Variants in ALPP observed in about 807,000 individuals in gnomAD.
The protein encoded by ALPP is alkaline phosphatase, placental.
Under a neutral mutation model 50.7 loss-of-function variants are expected in ALPP, and 39 were observed. The ratio of observed to expected loss-of-function variants is 0.77; its 90% confidence interval spans 0.60 to 1.00. ALPP has a LOEUF of 1.00. Among genes scored for constraint, ALPP ranks in the 50% least tolerant of loss-of-function variants. The probability of loss-of-function intolerance (pLI) is 0.00; values close to 1 mark genes in which losing one functional copy is unlikely to be tolerated. For synonymous variants in ALPP, 226 were observed against 320.3 expected (o/e 0.71, Z 3.14); for missense variants, 550 against 746.8 (o/e 0.74, Z 3.07).
In ALPP at chr2:232,381,589, GCGCA is replaced by G. The variant is rs748314015; in HGVS notation, c.1404_1407del (p.His469TrpfsTer11). ...GGCGGTGTTCGCGCGCGGCCCGCAG[GCGCA>G]CCTGGTTCACGGCGTGCAGGAGCAG... On this transcript the variant is annotated frameshift_variant, in exon 11 of 11. Coordinates refer to ENST00000392027, the MANE Select transcript of ALPP (RefSeq NM_001632.5). LOFTEE classifies it low-confidence loss of function (END_TRUNC). 1.2e-6 allele frequency: 2 copies of G among 1,612,630 alleles called. No homozygotes were observed. The highest frequency in any genetic ancestry group is 2.7e-5 in the African/African-American group (2 of 74,908).
rs199688634 is a variant in ALPP, at chr2:232,380,750, C to T, written c.993C>T (p.Phe331=). ...GGAACCCCCGCGGCTTCTTCCTCTT[C>T]GTGGAGGGTGCGTGGTGGCCCCTGG... ...LSRNPRGFFL[F]VEGGRIDHGH... The change falls in exon 8 of 11, where the codon TTC becomes TTT. Residue 331 remains phenylalanine (F), a synonymous_variant. Coordinates refer to ENST00000392027, the MANE Select transcript of ALPP (RefSeq NM_001632.5). The T allele has an allele frequency of 0.01, 16,624 of 1,611,454 alleles. 31 individuals carry two copies. The highest frequency in any genetic ancestry group is 0.013 in the Middle Eastern group (77 of 6,026).
rs747043312 is a variant in ALPP at position 232,379,942 on chromosome 2, A to AC, written c.657+11dup. 1.9e-6 allele frequency: 3 copies of AC among 1,599,444 alleles called. No homozygotes were observed. In the Admixed American group the frequency reaches 5.0e-5, roughly 27 times the overall value. On this transcript the variant is annotated splice_region_variant and intron_variant, in intron 5 of 10. Transcript: ENST00000392027. ...TCTCCAACATGGACATTGACGTGCGACCCCCAGGCCAAGGGCTGGGGCTGG... is the reference window on the plus strand; with the variant it reads ...TCTCCAACATGGACATTGACGTGCGACCCCCCAGGCCAAGGGCTGGGGCTGG...
Position 232,381,634 on chromosome 2 carries a change from G to C in ALPP, c.1447G>C (p.Val483Leu), listed in dbSNP as rs758891181. Residue 483 changes from valine (V) to leucine (L), a missense_variant, in exon 11 of 11, where the codon GTC becomes CTC. Physicochemically the swap from Val to Leu is conservative, Grantham distance 32. Around this residue, in one of 5 missense-constraint regions of ALPP, gnomAD observed 155 missense variants for 167.6 expected, o/e 0.92. Coordinates refer to ENST00000392027, the MANE Select transcript of ALPP (RefSeq NM_001632.5). ...GCAGGAGCAGACCTTCATAGCGCAC[G>C]TCATGGCCTTCGCCGCCTGCCTGGA... ...GVQEQTFIAH[V>L]MAFAACLEPY... 7 of 1,612,254 alleles carry C rather than the reference G, an allele frequency of 4.3e-6. No individual in the cohort carries two copies. The East Asian group carries it at 6.7e-5, about 15-fold the overall frequency.
In ALPP at chr2:232,382,562, C is replaced by T. The variant is rs1696739201; in HGVS notation, c.*767C>T. ...GAAGACTCCCCTGCCTCCCCAGGGC[C>T]TCTGCTCTCCTGGGAGACAAAGCAA... On this transcript the variant is annotated 3_prime_UTR_variant, in exon 11 of 11. Coordinates refer to ENST00000392027, the MANE Select transcript of ALPP (RefSeq NM_001632.5). The T allele has an allele frequency of 6.6e-6, 1 of 152,338 alleles. No homozygotes were observed. The highest frequency in any genetic ancestry group is 2.4e-5 in the African/African-American group (1 of 41,454). The allele number at this position is 152,338 out of a possible 1,614,324, so 9.4% of individuals were successfully genotyped here. A position where few individuals can be genotyped will look rare whatever the true frequency, so the allele number is the denominator to read the frequency against.
rs1331141439 is a variant in ALPP, at chr2:232,381,858, C to G, written c.*63C>G. ...AGTTCTCCTGCTCCCCACCTCCTGTCGTCCTGCCTGGCCTCCAGCCCGAGT... is the reference window on the plus strand; with the variant it reads ...AGTTCTCCTGCTCCCCACCTCCTGTGGTCCTGCCTGGCCTCCAGCCCGAGT... On this transcript the variant is annotated 3_prime_UTR_variant, in exon 11 of 11. Coordinates refer to ENST00000392027, the MANE Select transcript of ALPP (RefSeq NM_001632.5). 3 of 1,504,922 alleles carry G rather than the reference C, an allele frequency of 2.0e-6. No homozygotes were observed. Among genetic ancestry groups the G allele is most frequent in the Non-Finnish European group, 2.6e-6 (3 of 1,132,660 alleles). 93.2% of individuals were successfully genotyped at this position (1,504,922 alleles called of 1,614,324 possible).
Position 232,380,532 on chromosome 2 carries a change from C to G in ALPP, c.865+40C>G, listed in dbSNP as rs369038414. ...CCTGCCCTGGCATCCCTCAGATGGC[C>G]TCAGATGGCACCTTCTGAGCCTGTG... On this transcript the variant is annotated intron_variant, in intron 7 of 10. Transcript: ENST00000392027. The G allele has an allele frequency of 6.6e-3, 10,610 of 1,613,640 alleles. 185 individuals carry two copies. The African/African-American group carries it at 0.12, about 19-fold the overall frequency.
At position 232,381,716 on chromosome 2, in the gene ALPP, C is replaced by T. The variant is rs752049111; in HGVS notation, c.1529C>T (p.Pro510Leu). The change falls in exon 11 of 11, where the codon CCG (proline) becomes CTG (leucine). Residue 510 changes from proline to leucine, a missense_variant. This residue lies in a region of ALPP where 155 missense variants were observed against 167.6 expected (regional missense o/e 0.92). Transcript: ENST00000392027. ...GCCGGCACCACCGACGCCGCGCACC[C>T]GGGGCGGTCCGTGGTCCCCGCGTTG... is the stretch of plus-strand genomic sequence containing the variant. ...PPAGTTDAAH[P>L]GRSVVPALLP... 2.9e-5 allele frequency: 46 copies of T among 1,603,060 alleles called. No homozygotes were observed. The highest frequency in any genetic ancestry group is 3.8e-5 in the Non-Finnish European group (45 of 1,176,260).
In ALPP at chr2:232,381,719, G is replaced by A. The variant is rs769392561; in HGVS notation, c.1532G>A (p.Gly511Glu). 10 of 1,602,552 alleles carry A rather than the reference G, an allele frequency of 6.2e-6. No individual in the cohort carries two copies. In the East Asian group the frequency reaches 2.0e-4, roughly 32 times the overall value. ...GGCACCACCGACGCCGCGCACCCGG[G>A]GCGGTCCGTGGTCCCCGCGTTGCTT... Reference protein sequence around the residue: ...PAGTTDAAHPGRSVVPALLPL... With the variant: ...PAGTTDAAHPERSVVPALLPL... The change falls in exon 11 of 11, where the codon GGG becomes GAG. Residue 511 changes from glycine (G) to glutamate (E), a missense_variant. Gly to Glu is a moderately conservative substitution (Grantham distance 98, BLOSUM62 -2). Around this residue, in one of 5 missense-constraint regions of ALPP, gnomAD observed 155 missense variants for 167.6 expected, o/e 0.92. Transcript: ENST00000392027.
Position 232,379,833 on chromosome 2 carries a change from C to A in ALPP, c.554C>A (p.Thr185Lys), listed in dbSNP as rs755257870. ...TCGCCAGCCGGCACCTACGCCCACA[C>A]GGTGAACCGCAACTGGTACTCGGAC... Reference protein sequence around the residue: ...HASPAGTYAHTVNRNWYSDAD... With the variant: ...HASPAGTYAHKVNRNWYSDAD... Residue 185 changes from threonine to lysine, a missense_variant, in exon 5 of 11, where the codon ACG (threonine) becomes AAG (lysine). Thr to Lys is a moderately conservative substitution (Grantham distance 78). This residue lies in a region of ALPP where 376 missense variants were observed against 388.5 expected (regional missense o/e 0.97). Coordinates refer to ENST00000392027, the MANE Select transcript of ALPP (RefSeq NM_001632.5). The A allele has an allele frequency of 5.0e-6, 8 of 1,613,854 alleles. No homozygotes were observed. The highest frequency in any genetic ancestry group is 6.8e-6 in the Non-Finnish European group (8 of 1,180,032).
rs758365037 is a variant in ALPP, at chr2:232,379,793, C to G, written c.514C>G (p.Arg172Gly). The change falls in exon 5 of 11, where the codon CGA becomes GGA. Residue 172 changes from arginine (R) to glycine (G), a missense_variant. Transcript: ENST00000392027. ...GKSVGVVTTTRVQHASPAGTY... is the reference protein window; with the variant it reads ...GKSVGVVTTTGVQHASPAGTY... ...GTCAGTGGGAGTGGTAACCACCACA[C>G]GAGTGCAGCACGCCTCGCCAGCCGG... 1.2e-6 allele frequency: 2 copies of G among 1,613,918 alleles called. No homozygotes were observed. The highest frequency in any genetic ancestry group is 1.1e-5 in the South Asian group (1 of 91,076).
intron 10 of ALPP, 35 bp from the exon 11 acceptor site, chr2:232,381,462 T>C (rs746096868): frequency 4.3e-6 from 7 of 1,611,820 alleles, no homozygotes; most frequent in African/African-American, 2.7e-5. Context: ...TGGAACTGAA[T>C]GAACCCTCCT....
Position 232,379,894 on chromosome 2 carries a change from C to G in ALPP, c.615C>G (p.Cys205Trp). The part of the protein sequence containing the change: ...DVPASARQEG[C>W]QDIATQLISN... ...CTGCCTCCGCCCGCCAGGAGGGGTG[C>G]CAGGACATCGCTACGCAGCTCATCT... The change falls in exon 5 of 11, where the codon TGC becomes TGG. Residue 205 changes from cysteine (C) to tryptophan (W), a missense_variant. Cys to Trp is a radical substitution (Grantham distance 215, BLOSUM62 -2). Around this residue, in one of 5 missense-constraint regions of ALPP, gnomAD observed 376 missense variants for 388.5 expected, o/e 0.97. Coordinates refer to ENST00000392027, the MANE Select transcript of ALPP (RefSeq NM_001632.5). 6.2e-7 allele frequency: 1 copy of G among 1,612,882 alleles called. No individual in the cohort carries two copies.
chr2:232,381,750 G>C lies in ALPP; in HGVS notation c.1563G>C (p.Leu521=), dbSNP rs1295187786. The C allele has an allele frequency of 1.3e-6, 2 of 1,595,088 alleles. No individual in the cohort carries two copies. The highest frequency in any genetic ancestry group is 2.1e-4 in the Middle Eastern group (1 of 4,840). The change falls in exon 11 of 11, where the codon CTG becomes CTC. Residue 521 remains leucine (L), a synonymous_variant. Transcript: ENST00000392027. The part of the protein sequence containing the change: ...GRSVVPALLP[L]LAGTLLLLET... ...CCGTGGTCCCCGCGTTGCTTCCTCT[G>C]CTGGCCGGGACCCTGCTGCTGCTGG...
In ALPP at chr2:232,381,571, T is replaced by C; in HGVS notation, c.1384T>C (p.Phe462Leu). The C allele has an allele frequency of 1.2e-6, 2 of 1,612,830 alleles. No individual in the cohort carries two copies. The highest frequency in any genetic ancestry group is 8.5e-7 in the Non-Finnish European group (1 of 1,179,756). ...CCACGCAGGCGAGGACGTGGCGGTG[T>C]TCGCGCGCGGCCCGCAGGCGCACCT... ...ETHAGEDVAVFARGPQAHLVH... is the reference protein window; with the variant it reads ...ETHAGEDVAVLARGPQAHLVH... Residue 462 changes from phenylalanine (F) to leucine (L), a missense_variant, in exon 11 of 11, where the codon TTC (phenylalanine) becomes CTC (leucine). Physicochemically the swap from Phe to Leu is conservative, Grantham distance 22. This residue lies in a region of ALPP where 155 missense variants were observed against 167.6 expected (regional missense o/e 0.92). Coordinates refer to ENST00000392027, the MANE Select transcript of ALPP (RefSeq NM_001632.5).
At chr2:232,379,983 G>A (rs375831788) in intron 5 of ALPP, 47 bp downstream of exon 5, 2 of 1,576,196 alleles carry the variant, frequency 1.3e-6, no homozygotes, top group Middle Eastern at 1.8e-4. Flanking sequence ...GAGTAGCAGG[G>A]AGGGGGCACT....
Position 232,378,807 on chromosome 2 carries a change from T to C in ALPP, c.5T>C (p.Leu2Pro). 3 of 1,613,992 alleles carry C rather than the reference T, an allele frequency of 1.9e-6. No individual in the cohort carries two copies. Among genetic ancestry groups the C allele is most frequent in the Non-Finnish European group, 8.5e-7 (1 of 1,179,964 alleles). Reference sequence around the variant, plus strand: ...CTGTCCTGCTGCCCTCCAGACATGCTGGGGCCCTGCATGCTGCTGCTGCTG... The same window carrying C: ...CTGTCCTGCTGCCCTCCAGACATGCCGGGGCCCTGCATGCTGCTGCTGCTG... Reference protein sequence around the residue: MLGPCMLLLLLL... With the variant: MPGPCMLLLLLL... The change falls in exon 1 of 11, where the codon CTG becomes CCG. Residue 2 changes from leucine (L) to proline (P), a missense_variant. Leu to Pro is a moderately conservative substitution (Grantham distance 98). Coordinates refer to ENST00000392027, the MANE Select transcript of ALPP (RefSeq NM_001632.5).
Position 232,379,884 on chromosome 2 carries a change from A to C in ALPP, c.605A>C (p.Gln202Pro). The change falls in exon 5 of 11, where the codon CAG becomes CCG. Residue 202 changes from glutamine (Q) to proline (P), a missense_variant. This residue lies in a region of ALPP where 376 missense variants were observed against 388.5 expected (regional missense o/e 0.97). Transcript: ENST00000392027. ...SDADVPASAR[Q>P]EGCQDIATQL... is the part of the protein sequence containing the mutation. ...GCCGACGTGCCTGCCTCCGCCCGCC[A>C]GGAGGGGTGCCAGGACATCGCTACG... 1 of 1,613,174 alleles carries C rather than the reference A, an allele frequency of 6.2e-7. No individual in the cohort carries two copies. The highest frequency in any genetic ancestry group is 8.5e-7 in the Non-Finnish European group (1 of 1,179,834).
At position 232,378,751 on chromosome 2, in the gene ALPP, A is replaced by C. The variant is rs374300165; in HGVS notation, c.-52A>C. The C allele has an allele frequency of 3.1e-6, 5 of 1,598,240 alleles. No homozygotes were observed. The highest frequency in any genetic ancestry group is 4.3e-6 in the Non-Finnish European group (5 of 1,171,572). On this transcript the variant is annotated 5_prime_UTR_variant, in exon 1 of 11. Transcript: ENST00000392027. ...ACCCGGGCAGCCTGGAGTGCAGCTC[A>C]TACTCCATGCCCAGAATTCCTGCCT...
Position 232,381,877 on chromosome 2 carries a change from C to T in ALPP, c.*82C>T. The T allele has an allele frequency of 4.7e-6, 7 of 1,488,960 alleles. No homozygotes were observed. The African/African-American group carries it at 5.5e-5, about 12-fold the overall frequency. The allele number at this position is 1,488,960 out of a possible 1,614,324, so 92.2% of individuals were successfully genotyped here. ...TCCTGTCGTCCTGCCTGGCCTCCAG[C>T]CCGAGTCGTCATCCCCGGAGTCCCT... On this transcript the variant is annotated 3_prime_UTR_variant, in exon 11 of 11. Transcript: ENST00000392027.
Sources: gnomAD v4.1 joint callset for allele counts on GRCh38, gnomAD v4.1.1 for gene constraint, gnomAD v4.1.1 regional missense constraint, MANE v1.5 for transcripts, NCBI Gene and HGNC (gene_info 2026-07-23, HGNC 2026-07-21) for gene names.